The following TAMM41 variants were observed in gnomAD, a reference collection of about 807,000 sequenced individuals.
The protein encoded by TAMM41 is TAM41 mitochondrial translocator assembly and maintenance homolog, also known as phosphatidate cytidylyltransferase, mitochondrial.
TAMM41 carries 36 observed loss-of-function variants against 44.1 expected under a neutral mutation model. That is an observed-to-expected ratio of 0.82 (90% CI 0.63 to 1.08). The LOEUF (loss-of-function observed/expected upper bound fraction) is 1.08, where lower values mean the gene tolerates loss of function less well. TAMM41 is among the 50% of genes least tolerant of loss of function. The pLI is 0.00. For missense variants in TAMM41, 417 were observed against 404.3 expected (o/e 1.03, Z -0.27); for synonymous variants, 164 against 153.1 (o/e 1.07, Z -0.53).
At chr3:11,825,474 A>C (rs184351209) in intron 4 of TAMM41, among the ~76,000 whole-genome samples, 14 of 152,268 alleles carry the variant, frequency 9.2e-5, no homozygotes, top group African/African-American at 3.1e-4. Flanking sequence ...CACAGAATAA[A>C]TCTTACTAGC....
At chr3:11,757,374 T>C in the TAMM41 span, among the ~76,000 whole-genome samples, 9 of 152,262 alleles carry the variant, frequency 5.9e-5, no homozygotes, top group African/African-American at 2.2e-4. Context: ...GGAACTCTCT[T>C]GAGAGTCCAG....
At chr3:11,763,321 T>G in the TAMM41 span, among the ~76,000 whole-genome samples, 2 of 152,172 alleles carry the variant, frequency 1.3e-5, no homozygotes, top group African/African-American at 4.8e-5. Flanking sequence ...AAAAATTTAT[T>G]TGTAGAGATG....
At chr3:11,786,073 T>C (rs1437633617), downstream of TAMM41, among the ~76,000 whole-genome samples, 1 of 152,074 alleles carries the variant, frequency 6.6e-6, no homozygotes, top group African/African-American at 2.4e-5. Context: ...TTTAATCTTT[T>C]TGAGAGACAG....
chr3:11,796,959 A>C (rs1351145325), intron 7 of TAMM41, among the ~76,000 whole-genome samples: 1 of 152,234 alleles, frequency 6.6e-6, no homozygotes, highest in African/African-American at 2.4e-5. Context: ...AGATCTCTAC[A>C]AGGAGAACTA....
At chr3:11,781,773 A>AATAATAATAATC in the TAMM41 span, among the ~76,000 whole-genome samples, 1 of 41,766 alleles carries the variant, frequency 2.4e-5, no homozygotes, top group Non-Finnish European at 4.5e-5. Flanking sequence ...TAATAATAAT[A>AATAATAATAATC]ATAATAATCA....
At chr3:11,737,396 C>T in the TAMM41 span, among the ~76,000 whole-genome samples, 1 of 151,834 alleles carries the variant, frequency 6.6e-6, no homozygotes, top group Non-Finnish European at 1.5e-5. Flanking sequence ...TCTCGGCTCA[C>T]TGCATCCTCC....
At chr3:11,801,932 A>G (rs1178813152) in intron 7 of TAMM41, among the ~76,000 whole-genome samples, 1 of 152,180 alleles carries the variant, frequency 6.6e-6, no homozygotes, top group Non-Finnish European at 1.5e-5. Flanking sequence ...ACAAAATGAA[A>G]AGTTGGGACT....
At chr3:11,722,412 T>C in the TAMM41 span, among the ~76,000 whole-genome samples, 19 of 152,016 alleles carry the variant, frequency 1.2e-4, no homozygotes, top group Non-Finnish European at 2.6e-4. Context: ...GGACTGGAAG[T>C]GGAACGTGGC....
the TAMM41 span, among the ~76,000 whole-genome samples, chr3:11,767,743 AGCCACCTCAGT>A: frequency 1.3e-5 from 2 of 149,550 alleles, no homozygotes; most frequent in Non-Finnish European, 3.0e-5. Flanking sequence ...CTCCTGCCTC[AGCCACCTCAGT>A]GCCTGGGATT....
the TAMM41 span, among the ~76,000 whole-genome samples, chr3:11,761,165 CAAA>C: frequency 7.2e-3 from 767 of 106,164 alleles, 5 homozygotes; most frequent in African/African-American, 0.025. Flanking sequence ...GACTCTGTCT[CAAA>C]AAAAAAAAAA....
the TAMM41 span, among the ~76,000 whole-genome samples, chr3:11,755,180 G>A: frequency 1.1e-4 from 16 of 152,186 alleles, no homozygotes; most frequent in Non-Finnish European, 1.5e-4. Flanking sequence ...GATAACAAAG[G>A]GTGGACTCAG....
At chr3:11,819,201 TA>T (rs1395822314) in intron 4 of TAMM41, among the ~76,000 whole-genome samples, 1 of 152,130 alleles carries the variant, frequency 6.6e-6, no homozygotes, top group African/African-American at 2.4e-5. Flanking sequence ...GGAGCAAGCT[TA>T]AAGAAATAAG....
Position 11,799,195 on chromosome 3 carries a change from C to CA in TAMM41, c.938-8615dup, listed in dbSNP as rs201086631. Among the ~76,000 whole-genome samples the CA allele has an allele frequency of 2.3e-3, 353 of 151,644 alleles. 2 individuals are homozygous for CA. Among genetic ancestry groups the CA allele is most frequent in the African/African-American group, 6.3e-3 (258 of 41,276 alleles). On this transcript the variant is annotated intron_variant, in intron 7 of 7. Coordinates refer to ENST00000455809, the MANE Select transcript of TAMM41 (RefSeq NM_001284401.2). ...TGTCTCCAAAAAAACAAAACAAAAA[C>CA]AAAAAAACAAACGTAAAATACACCA...
chr3:11,809,748 T>C, intron 5 of TAMM41, 66 bp from the exon 6 acceptor site: 1 of 1,505,158 alleles, frequency 6.6e-7, no homozygotes, highest in Non-Finnish European at 9.0e-7. Context: ...ACTCCAAAAC[T>C]CAGGGCTTCT....
At chr3:11,752,369 G>T in the TAMM41 span, among the ~76,000 whole-genome samples, 6 of 152,034 alleles carry the variant, frequency 3.9e-5, no homozygotes, top group African/African-American at 7.2e-5. Flanking sequence ...TGCTGCTGGT[G>T]GGGGGTGGCC....
intron 4 of TAMM41, among the ~76,000 whole-genome samples, chr3:11,817,992 A>T (rs1471480705): frequency 6.6e-6 from 1 of 152,230 alleles, no homozygotes; most frequent in Non-Finnish European, 1.5e-5. Flanking sequence ...TTCTGAATCA[A>T]ATGAAAAGTG....
chr3:11,809,111 T>C (rs2078009106), intron 6 of TAMM41: 2 of 287,280 alleles, frequency 7.0e-6, no homozygotes, highest in Non-Finnish European at 1.3e-5. Flanking sequence ...CTCAACAATG[T>C]ATGAGACACA....
the TAMM41 span, among the ~76,000 whole-genome samples, chr3:11,744,070 T>A: frequency 6.6e-6 from 1 of 152,184 alleles, no homozygotes; most frequent in Non-Finnish European, 1.5e-5. Context: ...TAAAATTTTT[T>A]ATTTTTTATT....
chr3:11,807,497 G>C (rs2077949914), intron 7 of TAMM41: 27 of 1,535,958 alleles, frequency 1.8e-5, no homozygotes, highest in South Asian at 4.8e-5. Context: ...GAAGAGGAGG[G>C]GGAGCACAGA....
Sources: allele counts gnomAD v4.1 joint callset (sites outside exome capture counted in the v4.1 genomes callset), GRCh38; gene constraint gnomAD v4.1.1; transcripts MANE v1.5; gene names NCBI Gene and HGNC (gene_info 2026-07-23, HGNC 2026-07-21).